GALNTL6: variants seen among roughly 807,000 people sequenced by gnomAD.
GALNTL6 encodes the protein polypeptide N-acetylgalactosaminyltransferase like 6, also known as polypeptide N-acetylgalactosaminyltransferase-like 6.
Under a neutral mutation model 73.7 loss-of-function variants are expected in GALNTL6, and 46 were observed. The observed-to-expected ratio is 0.62, with a 90% CI of 0.49 to 0.80. The LOEUF is 0.80. Ranked by LOEUF, GALNTL6 falls within the 30% of genes least tolerant of loss-of-function variation. The pLI is 0.00. For synonymous variants in GALNTL6, 259 were observed against 263.7 expected, an observed-to-expected ratio of 0.98 and a Z score of 0.17; for missense variants, 604 against 755.0, an observed-to-expected ratio of 0.80 and a Z score of 2.34.
At chr4:172,755,273 A>ATAGATAG (rs1560929854) in intron 5 of GALNTL6, among the ~76,000 whole-genome samples, 2 of 29,796 alleles carry the variant, frequency 6.7e-5, no homozygotes, top group African/African-American at 1.9e-4. Context: ...TAGATAGATA[A>ATAGATAG]TTGATAAATA....
At chr4:172,144,279 T>C (rs1262335560) in intron 2 of GALNTL6, among the ~76,000 whole-genome samples, 2 of 152,146 alleles carry the variant, frequency 1.3e-5, no homozygotes, top group Non-Finnish European at 2.9e-5. Flanking sequence ...AGAAATAAAA[T>C]AATTAAATAA....
intron 5 of GALNTL6, among the ~76,000 whole-genome samples, chr4:172,642,522 A>C (rs1740036288): frequency 6.6e-6 from 1 of 152,006 alleles, no homozygotes; most frequent in Admixed American, 6.6e-5. Flanking sequence ...AATCTTAAAA[A>C]GTCAAATTTA....
intron 5 of GALNTL6, among the ~76,000 whole-genome samples, chr4:172,634,984 G>A (rs1454509930): frequency 6.6e-6 from 1 of 152,096 alleles, no homozygotes; most frequent in Admixed American, 6.5e-5. Context: ...AGATTTGATG[G>A]CTTACATCAA....
chr4:171,915,975 G>A (rs2110970283), intron 2 of GALNTL6, among the ~76,000 whole-genome samples: 1 of 152,192 alleles, frequency 6.6e-6, no homozygotes, highest in Non-Finnish European at 1.5e-5. Flanking sequence ...CAAAGGAAAT[G>A]AAGATTTTCT....
intron 9 of GALNTL6, among the ~76,000 whole-genome samples, chr4:172,946,775 A>C (rs1487326204): frequency 6.6e-6 from 1 of 152,248 alleles, no homozygotes. Flanking sequence ...GTGACATAAA[A>C]ATAGAGAATA....
chr4:172,179,914 A>G (rs1339317999), intron 2 of GALNTL6, among the ~76,000 whole-genome samples: 1 of 152,184 alleles, frequency 6.6e-6, no homozygotes, highest in Non-Finnish European at 1.5e-5. Context: ...ATACATGTGC[A>G]TGTGTCTTCA....
intron 2 of GALNTL6, among the ~76,000 whole-genome samples, chr4:172,138,521 T>A (rs1223603261): frequency 0.02 from 547 of 27,120 alleles, 1 homozygote; most frequent in South Asian, 0.026. Context: ...ATATTTTTTT[T>A]TTTTTTTTTT....
At chr4:172,687,176 G>A (rs963492755) in intron 5 of GALNTL6, among the ~76,000 whole-genome samples, 11 of 152,150 alleles carry the variant, frequency 7.2e-5, no homozygotes, top group African/African-American at 2.7e-4. Context: ...TCTTTTACAG[G>A]ATCTGTATTT....
At chr4:172,214,491 A>G (rs929556498) in intron 2 of GALNTL6, among the ~76,000 whole-genome samples, 2 of 150,886 alleles carry the variant, frequency 1.3e-5, no homozygotes, top group African/African-American at 4.9e-5. Context: ...CAATTTCATT[A>G]ATTTCTGTTC....
chr4:172,693,614 T>A (rs1241336766), intron 5 of GALNTL6, among the ~76,000 whole-genome samples: 1 of 152,172 alleles, frequency 6.6e-6, no homozygotes, highest in African/African-American at 2.4e-5. Context: ...CTTTAAAGCC[T>A]CCTCTCACTA....
intron 2 of GALNTL6, among the ~76,000 whole-genome samples, chr4:171,905,464 C>T (rs1011439797): frequency 3.3e-5 from 5 of 151,304 alleles, no homozygotes; most frequent in Non-Finnish European, 7.4e-5. Context: ...ATATATGCAC[C>T]CAATACAGGA....
intron 10 of GALNTL6, among the ~76,000 whole-genome samples, chr4:172,959,333 G>A (rs1248593109): frequency 1.3e-5 from 2 of 152,136 alleles, no homozygotes; most frequent in African/African-American, 4.8e-5. Context: ...TAATTAAAAT[G>A]TCTGGACCTA....
At chr4:171,869,959 C>G (rs1432579465) in intron 2 of GALNTL6, among the ~76,000 whole-genome samples, 1 of 150,428 alleles carries the variant, frequency 6.6e-6, no homozygotes, top group Non-Finnish European at 1.5e-5. Flanking sequence ...ATGTCTTTAT[C>G]AGCAGCATGA....
chr4:172,915,021 T>A (rs11728329), intron 8 of GALNTL6, among the ~76,000 whole-genome samples: 16,647 of 152,138 alleles, frequency 0.11, 1,248 homozygotes, highest in Non-Finnish European at 0.16. Context: ...TCAGCAAATG[T>A]AAAACAATAG....
chr4:172,586,673 A>G (rs1328476245), intron 5 of GALNTL6, among the ~76,000 whole-genome samples: 1 of 152,162 alleles, frequency 6.6e-6, no homozygotes. Context: ...ATTCATTCTA[A>G]ATTCTTGGCT....
At chr4:172,444,231 C>A (rs888893867) in intron 5 of GALNTL6, among the ~76,000 whole-genome samples, 4 of 152,194 alleles carry the variant, frequency 2.6e-5, no homozygotes. Flanking sequence ...TTCAAACCAT[C>A]TTTTATGCCT....
chr4:172,227,967 G>T (rs1195617484), intron 2 of GALNTL6, among the ~76,000 whole-genome samples: 1 of 152,102 alleles, frequency 6.6e-6, no homozygotes, highest in Non-Finnish European at 1.5e-5. Flanking sequence ...TTGTAAATTA[G>T]TGTTATCTAA....
At chr4:172,512,523 T>G (rs1352955460) in intron 5 of GALNTL6, among the ~76,000 whole-genome samples, 4 of 152,168 alleles carry the variant, frequency 2.6e-5, no homozygotes, top group African/African-American at 9.7e-5. Flanking sequence ...ATTGTGTTAT[T>G]ATTTTATATG....
chr4:171,992,626 G>C (rs1740373880), intron 2 of GALNTL6, among the ~76,000 whole-genome samples: 1 of 151,996 alleles, frequency 6.6e-6, no homozygotes, highest in Non-Finnish European at 1.5e-5. Context: ...AGCTACAAAA[G>C]TGATTTCTCA....
Sources: gnomAD v4.1 joint callset for allele counts (sites outside exome capture counted in the v4.1 genomes callset) on GRCh38, gnomAD v4.1.1 for gene constraint, MANE v1.5 for transcripts, NCBI Gene and HGNC (gene_info 2026-07-23, HGNC 2026-07-21) for gene names.